Variants in CNTN5 observed in about 807,000 individuals in gnomAD.
CNTN5 encodes the protein contactin 5, also known as contactin-5.
A neutral mutation model predicts 129.1 loss-of-function variants in CNTN5; 77 were observed. The ratio of observed to expected loss-of-function variants is 0.60; its 90% confidence interval spans 0.50 to 0.72. The LOEUF is 0.72. Among genes scored for constraint, CNTN5 ranks in the 30% least tolerant of loss-of-function variants. The pLI, the probability that CNTN5 is intolerant of heterozygous loss-of-function variation, is 0.00. For missense variants in CNTN5, 1,478 were observed against 1,328.8 expected, an observed-to-expected ratio of 1.11 and a Z score of -1.75; for synonymous variants, 509 against 465.6, an observed-to-expected ratio of 1.09 and a Z score of -1.20.
intron 3 of CNTN5, among the ~76,000 whole-genome samples, chr11:99,667,229 A>T (rs923547070): frequency 2.0e-5 from 3 of 152,114 alleles, no homozygotes; most frequent in African/African-American, 7.2e-5. Flanking sequence ...TAAATATTTT[A>T]CCATGTGTAC....
intron 2 of CNTN5, among the ~76,000 whole-genome samples, chr11:99,553,590 T>A (rs1446486193): frequency 1.3e-5 from 2 of 151,964 alleles, no homozygotes; most frequent in Non-Finnish European, 2.9e-5. Flanking sequence ...TTATGTATTT[T>A]AAAAAAACCA....
chr11:100,233,064 G>A (rs901475041), intron 16 of CNTN5, among the ~76,000 whole-genome samples: 2 of 152,096 alleles, frequency 1.3e-5, no homozygotes, highest in African/African-American at 4.8e-5. Context: ...ATGTTTGAAT[G>A]TCACTAACAA....
At chr11:100,237,235 A>G (rs1949639001) in intron 16 of CNTN5, among the ~76,000 whole-genome samples, 1 of 151,864 alleles carries the variant, frequency 6.6e-6, no homozygotes, top group Non-Finnish European at 1.5e-5. Context: ...AGTTCCAAGT[A>G]GAAGTTACTC....
At chr11:99,608,799 T>A (rs995356995) in intron 3 of CNTN5, among the ~76,000 whole-genome samples, 1 of 152,158 alleles carries the variant, frequency 6.6e-6, no homozygotes, top group African/African-American at 2.4e-5. Flanking sequence ...CTAGTTCACA[T>A]ATGTATGTAG....
intron 20 of CNTN5, among the ~76,000 whole-genome samples, chr11:100,300,149 T>C (rs1466528171): frequency 6.6e-6 from 1 of 151,454 alleles, no homozygotes; most frequent in East Asian, 1.9e-4. Context: ...ATGAGTAAAC[T>C]GTAAAGTGGT....
intron 2 of CNTN5, among the ~76,000 whole-genome samples, chr11:99,364,954 T>C (rs970329669): frequency 1.3e-5 from 2 of 152,108 alleles, no homozygotes; most frequent in Admixed American, 1.3e-4. Context: ...TAAGGATGGC[T>C]TTGAAGGGAA....
At chr11:99,885,923 C>T (rs1275241413) in intron 6 of CNTN5, among the ~76,000 whole-genome samples, 2 of 152,004 alleles carry the variant, frequency 1.3e-5, no homozygotes, top group Non-Finnish European at 2.9e-5. Context: ...GAACTTTGAA[C>T]ATTAAAAAAT....
chr11:99,734,910 A>C (rs949238716), intron 3 of CNTN5, among the ~76,000 whole-genome samples: 2 of 152,238 alleles, frequency 1.3e-5, no homozygotes, highest in Non-Finnish European at 2.9e-5. Context: ...AGGGAGGCTG[A>C]GGCAAGAGAA....
intron 9 of CNTN5, among the ~76,000 whole-genome samples, chr11:100,054,209 C>A (rs1044899854): frequency 6.6e-6 from 1 of 151,622 alleles, no homozygotes; most frequent in East Asian, 1.9e-4. Flanking sequence ...GTGGCCAAAG[C>A]AAATCATAAG....
At chr11:99,859,123 A>ATG (rs930048617) in intron 6 of CNTN5, among the ~76,000 whole-genome samples, 4 of 152,100 alleles carry the variant, frequency 2.6e-5, no homozygotes, top group African/African-American at 9.7e-5. Flanking sequence ...AAATCTCCTA[A>ATG]TGTTTGTAGA....
intron 1 of CNTN5, among the ~76,000 whole-genome samples, chr11:99,232,595 C>A: frequency 6.6e-6 from 1 of 152,260 alleles, no homozygotes; most frequent in African/African-American, 2.4e-5. Context: ...ATGTCTTCTG[C>A]AAACAAAGAC....
chr11:99,155,376 A>C (rs1231036573), intron 1 of CNTN5, among the ~76,000 whole-genome samples: 2 of 152,190 alleles, frequency 1.3e-5, no homozygotes, highest in Non-Finnish European at 2.9e-5. Flanking sequence ...CTATTTTGTA[A>C]AGTGTCATAT....
intron 3 of CNTN5, among the ~76,000 whole-genome samples, chr11:99,646,915 C>T (rs541280942): frequency 6.6e-6 from 1 of 151,118 alleles, no homozygotes; most frequent in Non-Finnish European, 1.5e-5. Context: ...TGTTTGTGTT[C>T]CTTACATATT....
chr11:99,694,033 A>G (rs774687831), intron 3 of CNTN5, among the ~76,000 whole-genome samples: 11 of 152,114 alleles, frequency 7.2e-5, no homozygotes, highest in Non-Finnish European at 8.8e-5. Context: ...GCATAAACAG[A>G]CACGTGAGGC....
chr11:99,136,142 T>C (rs59260299), intron 1 of CNTN5, among the ~76,000 whole-genome samples: 23,011 of 152,130 alleles, frequency 0.15, 2,154 homozygotes, highest in East Asian at 0.41. Flanking sequence ...TACTCTTACC[T>C]GGCCATTCTT....
Position 99,889,324 on chromosome 11 carries a change from G to GTGTT in CNTN5, c.578-26727_578-26726insTTGT, listed in dbSNP as rs1555147168. ...TGTGTGTGTGTGTGTGTGTGTGTGT[G>GTGTT]TGTGTGTGTGTGTGTGTGTGTGTGT... On this transcript the variant is annotated intron_variant, in intron 6 of 24. Transcript: ENST00000524871. Among the ~76,000 whole-genome samples the GTGTT allele has an allele frequency of 3.5e-3, 91 of 26,268 alleles. 1 individual carries two copies. Among genetic ancestry groups the GTGTT allele is most frequent in the Admixed American group, 0.016 (45 of 2,860 alleles). 17.2% of individuals were successfully genotyped at this position (26,268 alleles called of 152,430 possible).
At chr11:99,879,171 C>A (rs1009327195) in intron 6 of CNTN5, among the ~76,000 whole-genome samples, 1 of 152,020 alleles carries the variant, frequency 6.6e-6, no homozygotes, top group Admixed American at 6.6e-5. Context: ...CTCTTGACAT[C>A]AGGTGATCCA....
At chr11:99,988,662 G>C (rs1469768077) in intron 8 of CNTN5, among the ~76,000 whole-genome samples, 1 of 152,182 alleles carries the variant, frequency 6.6e-6, no homozygotes, top group Admixed American at 6.5e-5. Flanking sequence ...TGGGGACTAA[G>C]ACAGGAAGGG....
intron 6 of CNTN5, among the ~76,000 whole-genome samples, chr11:99,853,140 G>T (rs1433254245): frequency 2.6e-5 from 4 of 151,962 alleles, no homozygotes; most frequent in Non-Finnish European, 5.9e-5. Flanking sequence ...TTTCACTGAG[G>T]GACAAGTCAG....
Sources: allele counts gnomAD v4.1 joint callset (sites outside exome capture counted in the v4.1 genomes callset), GRCh38; gene constraint gnomAD v4.1.1; transcripts MANE v1.5; gene names NCBI Gene and HGNC (gene_info 2026-07-23, HGNC 2026-07-21).